PPIC: variants seen among roughly 807,000 people sequenced by gnomAD.
The protein encoded by PPIC is peptidyl-prolyl cis-trans isomerase C.
PPIC carries 19 observed loss-of-function variants against 19.5 expected under a neutral mutation model. The ratio of observed to expected loss-of-function variants is 0.98; its 90% CI spans 0.68 to 1.43. The LOEUF (loss-of-function observed/expected upper bound fraction) is 1.43, where lower values mean the gene tolerates loss of function less well. PPIC is among the 40% of genes most tolerant of loss of function. The pLI, the probability that PPIC is intolerant of heterozygous loss-of-function variation, is 0.00. For synonymous variants in PPIC, 107 were observed against 101.2 expected, an observed-to-expected ratio of 1.06 and a Z score of -0.34; for missense variants, 268 against 268.6, an observed-to-expected ratio of 1.00 and a Z score of 0.02.
At chr5:123,028,594 T>C (rs995111369) in intron 3 of PPIC, 181 bp downstream of exon 3, 3 of 474,720 alleles carry the variant, frequency 6.3e-6, no homozygotes, top group Non-Finnish European at 1.1e-5. Context: ...TAAGGACGCC[T>C]CCCTCATACC....
intron 2 of PPIC, 120 bp from the exon 3 acceptor site, chr5:123,028,988 C>G (rs10066632): frequency 7.7e-6 from 7 of 913,592 alleles, no homozygotes; most frequent in Non-Finnish European, 6.5e-6. Flanking sequence ...GAACTTGATT[C>G]TATCCCAGCT....
chr5:123,032,058 A>C (rs182159013), intron 1 of PPIC, among the ~76,000 whole-genome samples: 5 of 152,196 alleles, frequency 3.3e-5, no homozygotes, highest in Non-Finnish European at 1.5e-5. Flanking sequence ...TGGCCTCCCA[A>C]AGTGCTGGGA....
rs1715997808 is a variant in PPIC at position 123,023,799 on chromosome 5, G to GACAAC, written c.*71_*75dup. ...AAAAAAAAAAAGCAAATAATTGAAA[G>GACAAC]ACAACACAACACACACACACACACA... On this transcript the variant is annotated 3_prime_UTR_variant, in exon 5 of 5. Coordinates refer to ENST00000306442, the MANE Select transcript of PPIC (RefSeq NM_000943.5). 8.3e-7 allele frequency: 1 copy of GACAAC among 1,202,616 alleles called. No individual in the cohort carries two copies. The highest frequency in any genetic ancestry group is 1.1e-6 in the Non-Finnish European group (1 of 921,992). The allele number at this position is 1,202,616 out of a possible 1,614,324, so 74.5% of individuals were successfully genotyped here.
At position 123,023,951 on chromosome 5, in the gene PPIC, A is replaced by G. The variant is rs1267172495; in HGVS notation, c.563T>C (p.Leu188Pro). 1 of 1,614,124 alleles carries G rather than the reference A, an allele frequency of 6.2e-7. No homozygotes were observed. The highest frequency in any genetic ancestry group is 1.1e-5 in the South Asian group (1 of 91,074). Residue 188 changes from leucine (L) to proline (P), a missense_variant, in exon 5 of 5, where the codon CTC becomes CCC. Leu to Pro is a moderately conservative substitution (Grantham distance 98). Transcript: ENST00000306442. ...ACTGTTGATGATCGAGCAGTTGGTG[A>G]GTGGACGGTCATGCCCATCAGTTGC... is the stretch of plus-strand genomic sequence containing the variant. ...LQATDGHDRP[L>P]TNCSIINSGK...
intron 3 of PPIC, among the ~76,000 whole-genome samples, chr5:123,027,947 ACT>A (rs1762885136): frequency 6.6e-6 from 1 of 152,096 alleles, no homozygotes; most frequent in Admixed American, 6.5e-5. Flanking sequence ...GAGATTTGAA[ACT>A]CTCTAAATTT....
At chr5:123,027,465 G>A (rs1038519727) in intron 3 of PPIC, among the ~76,000 whole-genome samples, 2 of 152,324 alleles carry the variant, frequency 1.3e-5, no homozygotes, top group South Asian at 4.1e-4. Context: ...CCTATGGCAG[G>A]AAGGTGGGAT....
rs1433188380 is a variant in PPIC at position 123,029,170 on chromosome 5, T to C, written c.231+135A>G. 2.0e-6 allele frequency: 3 copies of C among 1,507,262 alleles called. No individual in the cohort carries two copies. In the Admixed American group the frequency reaches 6.0e-5, roughly 30 times the overall value. The allele number at this position is 1,507,262 out of a possible 1,614,324, so 93.4% of individuals were successfully genotyped here. ...ACTGAGTGCCCAAATAATACATATT[T>C]AATTGGAAAATAAAGTCAAATGTGG... On this transcript the variant is annotated intron_variant, in intron 2 of 4. Transcript: ENST00000306442.
intron 4 of PPIC, among the ~76,000 whole-genome samples, 176 bp downstream of exon 4, chr5:123,025,608 C>T (rs150403620): frequency 6.6e-5 from 10 of 152,220 alleles, no homozygotes; most frequent in African/African-American, 2.2e-4. Context: ...CTAGCTGCTG[C>T]GCCAATGACC....
At chr5:123,034,920 T>C (rs1429422015) in intron 1 of PPIC, among the ~76,000 whole-genome samples, 3 of 152,160 alleles carry the variant, frequency 2.0e-5, no homozygotes, top group Non-Finnish European at 4.4e-5. Context: ...CATAAATTTC[T>C]CGAGTATATA....
At chr5:123,032,529 A>G (rs1236080472) in intron 1 of PPIC, among the ~76,000 whole-genome samples, 3 of 152,194 alleles carry the variant, frequency 2.0e-5, no homozygotes, top group East Asian at 1.9e-4. Context: ...GGACCTGGGC[A>G]CACACATTCC....
chr5:123,025,135 A>G (rs1324188948), intron 4 of PPIC, among the ~76,000 whole-genome samples: 1 of 152,142 alleles, frequency 6.6e-6, no homozygotes, highest in Non-Finnish European at 1.5e-5. Context: ...GTTTTCAACT[A>G]TTTTATTTTT....
rs748851398 is a variant in PPIC, at chr5:123,029,325, C to T, written c.211G>A (p.Val71Ile). The T allele has an allele frequency of 6.2e-7, 1 of 1,613,922 alleles. No homozygotes were observed. Among genetic ancestry groups the T allele is most frequent in the Non-Finnish European group, 8.5e-7 (1 of 1,179,906 alleles). ...CATACCTCTCCTGTTGCTAGAGCAA[C>T]AAAATTTTCCACTGTCTTGGGCACA... ...KVVPKTVENFVALATGEKGYG... is the reference protein window; with the variant it reads ...KVVPKTVENFIALATGEKGYG... Residue 71 changes from valine (V) to isoleucine (I), a missense_variant, in exon 2 of 5, where the codon GTT becomes ATT. Coordinates refer to ENST00000306442, the MANE Select transcript of PPIC (RefSeq NM_000943.5).
intron 2 of PPIC, 200 bp downstream of exon 2, chr5:123,029,104 CT>C: frequency 2.0e-6 from 2 of 984,796 alleles, no homozygotes; most frequent in South Asian, 3.4e-5. Context: ...CATATTTTCA[CT>C]TGATGATGAT....
intron 3 of PPIC, 86 bp from the exon 4 acceptor site, chr5:123,026,054 TTACTAGAACCC>T: frequency 8.6e-7 from 1 of 1,168,936 alleles, no homozygotes. Context: ...GAGGAATCAA[TTACTAGAACCC>T]TATAGGAGGT....
intron 4 of PPIC, 118 bp from the exon 5 acceptor site, chr5:123,024,121 G>A (rs1485394772): frequency 7.7e-6 from 10 of 1,295,698 alleles, no homozygotes; most frequent in Non-Finnish European, 1.0e-5. Flanking sequence ...TTGGTTGGTT[G>A]GTTGGTTTTT....
chr5:123,025,103 T>A (rs774404849), intron 4 of PPIC, among the ~76,000 whole-genome samples: 2 of 152,266 alleles, frequency 1.3e-5, no homozygotes, highest in Non-Finnish European at 2.9e-5. Context: ...GATGGGATTC[T>A]GGGGTGGTTT....
intron 1 of PPIC, among the ~76,000 whole-genome samples, chr5:123,030,822 A>G (rs1414195935): frequency 6.6e-6 from 1 of 152,188 alleles, no homozygotes; most frequent in Non-Finnish European, 1.5e-5. Flanking sequence ...GTGTAAATTC[A>G]ATAACCAGCA....
At chr5:123,030,700 G>A (rs1036917453) in intron 1 of PPIC, among the ~76,000 whole-genome samples, 4 of 152,164 alleles carry the variant, frequency 2.6e-5, no homozygotes, top group Admixed American at 6.5e-5. Flanking sequence ...TTAAAGGAGT[G>A]CAATTCAGCA....
chr5:123,035,184 T>C (rs45599533), intron 1 of PPIC, among the ~76,000 whole-genome samples: 108 of 152,346 alleles, frequency 7.1e-4, no homozygotes, highest in Middle Eastern at 3.4e-3. Flanking sequence ...GCATATGCAG[T>C]TCCCTTTGCC....
Sources: gnomAD v4.1 joint callset for allele counts (sites outside exome capture counted in the v4.1 genomes callset) on GRCh38, gnomAD v4.1.1 for gene constraint, MANE v1.5 for transcripts, NCBI Gene and HGNC (gene_info 2026-07-23, HGNC 2026-07-21) for gene names.